Variants in PGCKA1 observed in about 807,000 individuals in gnomAD.
PGCKA1 encodes PDCD10 and GCKIII kinases associated 1.
the PGCKA1 span, among the ~76,000 whole-genome samples, chr4:37,535,180 G>A: frequency 2.6e-5 from 4 of 152,176 alleles, no homozygotes; most frequent in African/African-American, 9.7e-5. Flanking sequence ...GGCTGTCCAT[G>A]GACACGGCCA....
the PGCKA1 span, among the ~76,000 whole-genome samples, chr4:37,556,401 G>T: frequency 2.0e-5 from 3 of 152,000 alleles, no homozygotes; most frequent in African/African-American, 7.2e-5. Context: ...CTGTGTAGCT[G>T]GGATTACAGG....
At chr4:37,556,108 G>T in the PGCKA1 span, among the ~76,000 whole-genome samples, 1 of 152,146 alleles carries the variant, frequency 6.6e-6, no homozygotes, top group Non-Finnish European at 1.5e-5. Context: ...CATAGGGCTT[G>T]TCACACAGTA....
At chr4:37,538,517 G>C in the PGCKA1 span, among the ~76,000 whole-genome samples, 6 of 152,232 alleles carry the variant, frequency 3.9e-5, no homozygotes, top group Non-Finnish European at 7.3e-5. Flanking sequence ...GCTGCAAAGA[G>C]AGAGAACATG....
the PGCKA1 span, among the ~76,000 whole-genome samples, chr4:37,579,102 C>T: frequency 1.7e-3 from 265 of 152,180 alleles, 1 homozygote; most frequent in African/African-American, 6.1e-3. Context: ...TTGATAACAA[C>T]TTAGCATTGC....
At chr4:37,568,965 C>T in the PGCKA1 span, among the ~76,000 whole-genome samples, 1 of 151,794 alleles carries the variant, frequency 6.6e-6, no homozygotes, top group African/African-American at 2.4e-5. Context: ...GACACGGTGG[C>T]GTGTGCATGT....
At chr4:37,579,212 T>G in the PGCKA1 span, among the ~76,000 whole-genome samples, 1 of 152,338 alleles carries the variant, frequency 6.6e-6, no homozygotes, top group South Asian at 2.1e-4. Context: ...TCTATTTACA[T>G]ATTATCGTAC....
At chr4:37,471,100 A>G in the PGCKA1 span, among the ~76,000 whole-genome samples, 1 of 152,228 alleles carries the variant, frequency 6.6e-6, no homozygotes, top group Non-Finnish European at 1.5e-5. Flanking sequence ...AACATTAACT[A>G]AATTTCGCAG....
chr4:37,532,788 T>A, the PGCKA1 span, among the ~76,000 whole-genome samples: 2 of 149,948 alleles, frequency 1.3e-5, no homozygotes, highest in African/African-American at 4.9e-5. Flanking sequence ...CTTTTAATAT[T>A]TTTCCCATTC....
the PGCKA1 span, among the ~76,000 whole-genome samples, chr4:37,488,163 T>C: frequency 3.5e-3 from 538 of 152,334 alleles, no homozygotes; most frequent in Non-Finnish European, 5.5e-3. Context: ...AAGTCCAGAA[T>C]ATTTTTTTCA....
chr4:37,547,129 G>T, the PGCKA1 span, among the ~76,000 whole-genome samples: 4,051 of 151,892 alleles, frequency 0.027, 198 homozygotes, highest in African/African-American at 0.092. Context: ...CGGCACTTTG[G>T]TTTTGGTTTT....
chr4:37,511,689 A>C, the PGCKA1 span, among the ~76,000 whole-genome samples: 1 of 151,788 alleles, frequency 6.6e-6, no homozygotes, highest in Non-Finnish European at 1.5e-5. Flanking sequence ...TGATGTAGGC[A>C]CTCCCTTAGC....
At chr4:37,515,656 C>A in the PGCKA1 span, among the ~76,000 whole-genome samples, 1 of 152,186 alleles carries the variant, frequency 6.6e-6, no homozygotes, top group Admixed American at 6.6e-5. Context: ...TGTTAACAAT[C>A]TAGTGGCTCC....
the PGCKA1 span, among the ~76,000 whole-genome samples, chr4:37,584,667 G>A: frequency 6.6e-6 from 1 of 152,160 alleles, no homozygotes; most frequent in African/African-American, 2.4e-5. Context: ...GGTGCAGGCT[G>A]CTCCTGTGGT....
the PGCKA1 span, among the ~76,000 whole-genome samples, chr4:37,592,417 T>C: frequency 6.6e-6 from 1 of 151,822 alleles, no homozygotes; most frequent in African/African-American, 2.4e-5. Flanking sequence ...CCGAGCTGGT[T>C]TGCAGAGCCA....
At chr4:37,466,096 A>G in the PGCKA1 span, among the ~76,000 whole-genome samples, 1 of 152,126 alleles carries the variant, frequency 6.6e-6, no homozygotes, top group Non-Finnish European at 1.5e-5. Context: ...GCCAGTCCAC[A>G]CTCATACAAA....
the PGCKA1 span, among the ~76,000 whole-genome samples, chr4:37,570,527 GTC>G: frequency 6.6e-6 from 1 of 151,216 alleles, no homozygotes; most frequent in Non-Finnish European, 1.5e-5. Flanking sequence ...TGGGCAAGCA[GTC>G]TCTAGTTTCT....
At chr4:37,458,247 A>G in the PGCKA1 span, among the ~76,000 whole-genome samples, 3 of 152,184 alleles carry the variant, frequency 2.0e-5, no homozygotes, top group Non-Finnish European at 2.9e-5. Flanking sequence ...TCATGTTCCT[A>G]CTTCTGACTA....
the PGCKA1 span, chr4:37,590,123 G>T: frequency 6.2e-7 from 1 of 1,614,070 alleles, no homozygotes; most frequent in East Asian, 2.2e-5. Flanking sequence ...CCCTCTCCTG[G>T]CTATGTCAAT....
chr4:37,540,809 G>T, the PGCKA1 span, among the ~76,000 whole-genome samples: 1 of 151,886 alleles, frequency 6.6e-6, no homozygotes, highest in Admixed American at 6.6e-5. Context: ...GAGTTGGGGG[G>T]AACCCATCAA....
Sources: gnomAD v4.1 joint callset for allele counts (sites outside exome capture counted in the v4.1 genomes callset) on GRCh38, gnomAD v4.1.1 for gene constraint, MANE v1.5 for transcripts, NCBI Gene and HGNC (gene_info 2026-07-23, HGNC 2026-07-21) for gene names.